Variants in MAU2 observed in about 807,000 individuals in gnomAD.
MAU2 encodes MAU2 chromatid cohesion factor homolog.
MAU2 carries 9 observed loss-of-function variants against 89.1 expected under a neutral mutation model. The ratio of observed to expected loss-of-function variants is 0.10; its 90% CI spans 0.06 to 0.18. The LOEUF (loss-of-function observed/expected upper bound fraction) is 0.18. Ranked by LOEUF, MAU2 falls within the 10% of genes least tolerant of loss-of-function variation. The pLI, the probability that MAU2 is intolerant of heterozygous loss-of-function variation, is 1.00. For synonymous variants in MAU2, 357 were observed against 343.4 expected (o/e 1.04, Z -0.44); for missense variants, 425 against 803.5 (o/e 0.53, Z 5.69).
chr19:19,347,178 C>T (rs2061699881), intron 12 of MAU2, 102 bp from the exon 13 acceptor site: 1 of 746,776 alleles, frequency 1.3e-6, no homozygotes, highest in East Asian at 2.5e-5. Context: ...AAGAACAAGT[C>T]TTTTCCAAAG....
chr19:19,346,451 T>C (rs1368610347), intron 12 of MAU2, among the ~76,000 whole-genome samples: 1 of 151,560 alleles, frequency 6.6e-6, no homozygotes, highest in African/African-American at 2.4e-5. Flanking sequence ...CACCCAGGAG[T>C]GATGGAGCCA....
chr19:19,345,034 TAATCAG>T lies in MAU2; in HGVS notation c.1155+113_1155+118del. 18 of 1,014,154 alleles carry T rather than the reference TAATCAG, an allele frequency of 1.8e-5. No homozygotes were observed. The South Asian group carries it at 2.4e-4, about 14-fold the overall frequency. 62.8% of individuals were successfully genotyped at this position (1,014,154 alleles called of 1,614,324 possible). ...AGTGAAGGACCCCCTGACAGCACCC[TAATCAG>T]AATCCGGAATGTTCCCATAGGTAAT... On this transcript the variant is annotated intron_variant, in intron 11 of 18. Coordinates refer to ENST00000262815, the MANE Select transcript of MAU2 (RefSeq NM_015329.4). This position sits in a 1 kb window ranked among gnomAD's most constrained non-coding sequence, Gnocchi z 4.9.
rs1378805708 is a variant in MAU2, at chr19:19,340,945, C to T, written c.579+72C>T. Reference sequence around the variant, plus strand: ...TGAGGCAGGGCCCCCACAGAGTCTGCTCAGACCCCACCCACTCTCCATGGC... The same window carrying T: ...TGAGGCAGGGCCCCCACAGAGTCTGTTCAGACCCCACCCACTCTCCATGGC... On this transcript the variant is annotated intron_variant, in intron 6 of 18. Coordinates refer to ENST00000262815, the MANE Select transcript of MAU2 (RefSeq NM_015329.4). The T allele has an allele frequency of 3.8e-6, 6 of 1,588,722 alleles. No individual in the cohort carries two copies. In the East Asian group the frequency reaches 1.3e-4, roughly 36 times the overall value.
At chr19:19,330,798 G>T (rs966183089) in intron 1 of MAU2, among the ~76,000 whole-genome samples, 4 of 152,116 alleles carry the variant, frequency 2.6e-5, no homozygotes, top group African/African-American at 9.7e-5. Flanking sequence ...CTACTTGGGA[G>T]ACCGAGCCAG....
intron 16 of MAU2, among the ~76,000 whole-genome samples, chr19:19,351,756 A>C (rs2061746422): frequency 1.3e-5 from 2 of 152,290 alleles, no homozygotes; most frequent in South Asian, 4.1e-4. Flanking sequence ...AAACAGAAAA[A>C]AATTGCATGT....
intron 16 of MAU2, among the ~76,000 whole-genome samples, chr19:19,351,483 AACAT>A (rs1568667705): frequency 0.033 from 2 of 60 alleles, no homozygotes; most frequent in African/African-American, 0.11. Flanking sequence ...CAGCCTGACC[AACAT>A]AGTAGATCTG....
intron 1 of MAU2, among the ~76,000 whole-genome samples, chr19:19,326,170 A>G (rs2061502640): frequency 6.6e-6 from 1 of 151,690 alleles, no homozygotes; most frequent in Admixed American, 6.6e-5. Flanking sequence ...CTGGCCCTCA[A>G]CTGCATTTTA....
intron 1 of MAU2, among the ~76,000 whole-genome samples, chr19:19,326,316 G>T (rs1396850893): frequency 6.6e-6 from 1 of 151,964 alleles, no homozygotes; most frequent in Non-Finnish European, 1.5e-5. Context: ...ACTTTGTGAG[G>T]CCAAAGTGGG....
At chr19:19,325,062 C>G (rs2061493501) in intron 1 of MAU2, among the ~76,000 whole-genome samples, 1 of 152,178 alleles carries the variant, frequency 6.6e-6, no homozygotes, top group Non-Finnish European at 1.5e-5. Context: ...TGAAGAGATT[C>G]CAGTGTCTTC....
chr19:19,346,522 C>T (rs1472337236), intron 12 of MAU2, among the ~76,000 whole-genome samples: 5 of 152,156 alleles, frequency 3.3e-5, no homozygotes, highest in Non-Finnish European at 7.3e-5. Context: ...CTGAAACAAA[C>T]ATCTCCCACC....
chr19:19,335,593 T>G (rs1355906356), intron 1 of MAU2, 125 bp from the exon 2 acceptor site: 11 of 956,144 alleles, frequency 1.2e-5, no homozygotes, highest in Admixed American at 5.6e-5. Flanking sequence ...GCGGGCCGCC[T>G]TCTTGTTACC....
rs77237285 is a variant in MAU2, at chr19:19,353,874, T to C, written c.1549-481T>C. 5.7e-3 allele frequency: 1,030 copies of C among 179,936 alleles called. 11 individuals are homozygous for C. Among genetic ancestry groups the C allele is most frequent in the African/African-American group, 0.023 (979 of 43,032 alleles). 11.1% of individuals were successfully genotyped at this position (179,936 alleles called of 1,614,324 possible). ...GCAGTCACAAAGCAGGGAGTCCGGATTGGAGGATTCTTACATGCTGGTGCC... is the reference window on the plus strand; with the variant it reads ...GCAGTCACAAAGCAGGGAGTCCGGACTGGAGGATTCTTACATGCTGGTGCC... On this transcript the variant is annotated intron_variant, in intron 16 of 18. Transcript: ENST00000262815.
chr19:19,322,436 A>T (rs565044060), intron 1 of MAU2, among the ~76,000 whole-genome samples: 2 of 152,142 alleles, frequency 1.3e-5, no homozygotes, highest in East Asian at 3.9e-4. Flanking sequence ...CCGTCTCTAC[A>T]AAAAATACAA....
Position 19,355,989 on chromosome 19 carries a change from C to CA in MAU2, c.*208dup, listed in dbSNP as rs1168983155. The CA allele has an allele frequency of 4.4e-6, 3 of 681,972 alleles. No individual in the cohort carries two copies. The highest frequency in any genetic ancestry group is 1.8e-5 in the African/African-American group (1 of 56,788). The allele number at this position is 681,972 out of a possible 1,614,324, so 42.2% of individuals were successfully genotyped here. A position where few individuals can be genotyped will look rare whatever the true frequency, so the allele number is the denominator to read the frequency against. On this transcript the variant is annotated 3_prime_UTR_variant, in exon 19 of 19. Coordinates refer to ENST00000262815, the MANE Select transcript of MAU2 (RefSeq NM_015329.4). ...CAGCAGGACCCCCAGTGCAGAGGCT[C>CA]ACAGGTGGCACACAGGCGCTGTCTC... is the stretch of plus-strand genomic sequence containing the variant.
At chr19:19,327,061 T>A (rs2061515147) in intron 1 of MAU2, among the ~76,000 whole-genome samples, 1 of 151,292 alleles carries the variant, frequency 6.6e-6, no homozygotes, top group South Asian at 2.1e-4. Flanking sequence ...ATCACCTGCC[T>A]TGGCCTCTCA....
rs941011161 is a variant in MAU2, at chr19:19,344,108, A to C, written c.1077+168A>C. ...CTGCATGGGCACCACTGATCAGAGA[A>C]TCTCATACAAAAACCAGTGGAGGCC... On this transcript the variant is annotated intron_variant, in intron 10 of 18. Coordinates refer to ENST00000262815, the MANE Select transcript of MAU2 (RefSeq NM_015329.4). The C allele has an allele frequency of 4.9e-6, 3 of 609,216 alleles. No individual in the cohort carries two copies. In the East Asian group the frequency reaches 8.6e-5, roughly 17 times the overall value. 37.7% of individuals were successfully genotyped at this position (609,216 alleles called of 1,614,324 possible). A position where few individuals can be genotyped will look rare whatever the true frequency, so the allele number is the denominator to read the frequency against.
At chr19:19,347,169 A>G (rs776297808) in intron 12 of MAU2, 111 bp from the exon 13 acceptor site, 20 of 707,702 alleles carry the variant, frequency 2.8e-5, no homozygotes, top group Non-Finnish European at 4.1e-5. Context: ...TGAAATGAAA[A>G]GAACAAGTCT....
intron 1 of MAU2, among the ~76,000 whole-genome samples, chr19:19,326,870 C>A (rs916589651): frequency 1.3e-5 from 2 of 150,292 alleles, no homozygotes; most frequent in African/African-American, 4.9e-5. Flanking sequence ...CCACCCTGGA[C>A]AACAGACCGA....
Position 19,355,386 on chromosome 19 carries a change from A to G in MAU2, c.1762A>G (p.Ile588Val), listed in dbSNP as rs1488175327. 1.9e-6 allele frequency: 3 copies of G among 1,611,198 alleles called. No individual in the cohort carries two copies. Among genetic ancestry groups the G allele is most frequent in the Non-Finnish European group, 2.5e-6 (3 of 1,177,626 alleles). ...EACSLPEHNLITWTDGPPPVQ... is the reference protein window; with the variant it reads ...EACSLPEHNLVTWTDGPPPVQ... ...CTGCAGCCTCCCCGAACACAACCTC[A>G]TCACGGTACGGGTGTGGGTGTTAGG... is the stretch of plus-strand genomic sequence containing the variant. Residue 588 changes from isoleucine (I) to valine (V), a missense_variant, in exon 18 of 19, where the codon ATC becomes GTC. Coordinates refer to ENST00000262815, the MANE Select transcript of MAU2 (RefSeq NM_015329.4).
Sources: allele counts gnomAD v4.1 joint callset (sites outside exome capture counted in the v4.1 genomes callset), GRCh38; gene constraint gnomAD v4.1.1; non-coding constraint Gnocchi (gnomAD v3.1); transcripts MANE v1.5; gene names NCBI Gene and HGNC (gene_info 2026-07-23, HGNC 2026-07-21).